The following VAV3 variants were observed in gnomAD, a reference collection of about 807,000 sequenced individuals.
The protein encoded by VAV3 is vav guanine nucleotide exchange factor 3.
VAV3 carries 94 observed loss-of-function variants against 131.2 expected under a neutral mutation model. The observed-to-expected ratio is 0.72, with a 90% CI of 0.61 to 0.85. The LOEUF is 0.85. VAV3 is among the 40% of genes least tolerant of loss of function. VAV3 has a pLI of 0.00. For missense variants in VAV3, 939 were observed against 1,002.7 expected, an observed-to-expected ratio of 0.94 and a Z score of 0.86; for synonymous variants, 349 against 342.0, an observed-to-expected ratio of 1.02 and a Z score of -0.22.
At chr1:107,667,551 T>C (rs920733592) in intron 19 of VAV3, among the ~76,000 whole-genome samples, 3 of 152,152 alleles carry the variant, frequency 2.0e-5, no homozygotes, top group Admixed American at 6.5e-5. Context: ...TTTATTGCTA[T>C]CATTAGTGAT....
At chr1:107,709,435 C>CA (rs1321144027) in intron 15 of VAV3, among the ~76,000 whole-genome samples, 2 of 151,436 alleles carry the variant, frequency 1.3e-5, no homozygotes, top group Admixed American at 6.6e-5. Flanking sequence ...TTTATTAAGC[C>CA]AAAAAAAATT....
intron 24 of VAV3, among the ~76,000 whole-genome samples, chr1:107,601,360 T>C (rs979010656): frequency 1.3e-5 from 2 of 152,214 alleles, no homozygotes; most frequent in Non-Finnish European, 2.9e-5. Context: ...TCAATTTCTT[T>C]AAAACACTGA....
At chr1:107,596,176 G>A in intron 25 of VAV3, 36 bp downstream of exon 25, 3 of 1,593,258 alleles carry the variant, frequency 1.9e-6, no homozygotes, top group Non-Finnish European at 2.6e-6. Context: ...TAATTTTTAA[G>A]TGACAGCAAA....
At chr1:107,843,584 T>A (rs1297309647) in intron 2 of VAV3, among the ~76,000 whole-genome samples, 1 of 150,884 alleles carries the variant, frequency 6.6e-6, no homozygotes, top group East Asian at 1.9e-4. Flanking sequence ...GTGGTTCAAT[T>A]CACTAGCCAT....
intron 25 of VAV3, among the ~76,000 whole-genome samples, chr1:107,590,345 A>T (rs1650850501): frequency 6.6e-6 from 1 of 152,160 alleles, no homozygotes; most frequent in African/African-American, 2.4e-5. Flanking sequence ...GCCCCTTCTG[A>T]GGCTATTTCA....
chr1:107,704,426 A>G (rs2494070), intron 17 of VAV3, 124 bp downstream of exon 17: 252,679 of 666,802 alleles, frequency 0.38, 49,782 homozygotes, highest in African/African-American at 0.48. Context: ...GTGCTTATAA[A>G]TAATAGTTTC....
At position 107,919,554 on chromosome 1, in the gene VAV3, C is replaced by T. The variant is rs1008992032; in HGVS notation, c.205-44537G>A. ...AGTAAGGCCAGGAGAAGTTAAATGGCTTGCCCAAGCTGACACACCTGAACT... is the reference window on the plus strand; with the variant it reads ...AGTAAGGCCAGGAGAAGTTAAATGGTTTGCCCAAGCTGACACACCTGAACT... On this transcript the variant is annotated intron_variant, in intron 1 of 26. Transcript: ENST00000370056. Among the ~76,000 whole-genome samples, 14 of 152,260 alleles carry T rather than the reference C, an allele frequency of 9.2e-5. No homozygotes were observed. In the East Asian group the frequency reaches 2.3e-3, roughly 25 times the overall value.
chr1:107,586,184 T>TTATTTTTCTA (rs1650477162), intron 25 of VAV3, among the ~76,000 whole-genome samples: 1 of 149,146 alleles, frequency 6.7e-6, no homozygotes, highest in East Asian at 2.0e-4. Flanking sequence ...ACGTCTAACA[T>TTATTTTTCTA]AATACACTTA....
intron 15 of VAV3, among the ~76,000 whole-genome samples, chr1:107,748,209 A>G (rs752191939): frequency 1.3e-5 from 2 of 152,218 alleles, no homozygotes; most frequent in Non-Finnish European, 2.9e-5. Flanking sequence ...AACAAATTCC[A>G]AATGTAGTTT....
Position 107,795,196 on chromosome 1 carries a change from G to A in VAV3, c.322-15704C>T, listed in dbSNP as rs534754613. Among the ~76,000 whole-genome samples the A allele has an allele frequency of 5.1e-4, 77 of 152,256 alleles. 1 individual carries two copies. The highest frequency in any genetic ancestry group is 1.8e-3 in the African/African-American group (74 of 41,554). On this transcript the variant is annotated intron_variant, in intron 2 of 26. Transcript: ENST00000370056. ...CATCTGCCAAGCTGATTTTCCTCCTGCCAGTCTCCAGGAATGGAACAGAAA... is the reference window on the plus strand; with the variant it reads ...CATCTGCCAAGCTGATTTTCCTCCTACCAGTCTCCAGGAATGGAACAGAAA...
chr1:107,910,580 C>G (rs1157972565), intron 1 of VAV3, among the ~76,000 whole-genome samples: 1 of 152,182 alleles, frequency 6.6e-6, no homozygotes, highest in Non-Finnish European at 1.5e-5. Flanking sequence ...AGGTCAAAAT[C>G]AATTCAGTAT....
At chr1:107,590,414 G>C (rs1650855450) in intron 25 of VAV3, among the ~76,000 whole-genome samples, 1 of 152,060 alleles carries the variant, frequency 6.6e-6, no homozygotes, top group Non-Finnish European at 1.5e-5. Context: ...TGGCTTCTAG[G>C]GCTCCAGCAA....
chr1:107,922,951 CAAAAAAAAAAAAGA>C (rs1672981345), intron 1 of VAV3, among the ~76,000 whole-genome samples: 2 of 75,420 alleles, frequency 2.7e-5, no homozygotes, highest in Non-Finnish European at 5.6e-5. Flanking sequence ...GACTCCGTCT[CAAAAAAAAAAAAGA>C]AAAAAAAAAA....
At chr1:107,657,747 T>G (rs978841090) in intron 19 of VAV3, among the ~76,000 whole-genome samples, 2 of 152,192 alleles carry the variant, frequency 1.3e-5, no homozygotes, top group African/African-American at 4.8e-5. Context: ...CATATTATGA[T>G]TAAAGTTCTA....
In VAV3 at chr1:107,964,936, C is replaced by T; in HGVS notation, c.-67G>A. On this transcript the variant is annotated 5_prime_UTR_variant, in exon 1 of 27. Coordinates refer to ENST00000370056, the MANE Select transcript of VAV3 (RefSeq NM_006113.5). ...AAGGATGCGGCCGCCGCCGCCGCCGCCGCGGTTCCTCCGCGCCCCGCCGAC... is the reference window on the plus strand; with the variant it reads ...AAGGATGCGGCCGCCGCCGCCGCCGTCGCGGTTCCTCCGCGCCCCGCCGAC... The T allele has an allele frequency of 8.4e-7, 1 of 1,196,166 alleles. No homozygotes were observed. The highest frequency in any genetic ancestry group is 1.0e-6 in the Non-Finnish European group (1 of 953,366). 74.1% of individuals were successfully genotyped at this position (1,196,166 alleles called of 1,614,324 possible).
At chr1:107,924,039 C>A (rs1180782357) in intron 1 of VAV3, among the ~76,000 whole-genome samples, 2 of 152,162 alleles carry the variant, frequency 1.3e-5, no homozygotes, top group Non-Finnish European at 2.9e-5. Flanking sequence ...CCCAAATCAA[C>A]CAAAACAGTA....
intron 19 of VAV3, among the ~76,000 whole-genome samples, chr1:107,655,827 T>C (rs1656509583): frequency 6.6e-6 from 1 of 152,016 alleles, no homozygotes; most frequent in South Asian, 2.1e-4. Context: ...GACATATTAG[T>C]CGTCAACAGG....
At chr1:107,861,661 C>T (rs763971082) in intron 2 of VAV3, among the ~76,000 whole-genome samples, 3 of 151,380 alleles carry the variant, frequency 2.0e-5, no homozygotes, top group Non-Finnish European at 4.4e-5. Context: ...CACCCATATC[C>T]GAATATAACC....
chr1:107,745,057 A>G (rs1663251398), intron 15 of VAV3, among the ~76,000 whole-genome samples: 2 of 152,218 alleles, frequency 1.3e-5, no homozygotes, highest in Admixed American at 1.3e-4. Flanking sequence ...GCTTCTTAAC[A>G]AAATTTTGAA....
Sources: allele counts gnomAD v4.1 joint callset (sites outside exome capture counted in the v4.1 genomes callset), GRCh38; gene constraint gnomAD v4.1.1; transcripts MANE v1.5; gene names NCBI Gene and HGNC (gene_info 2026-07-23, HGNC 2026-07-21).